The following BACH2 variants were observed in gnomAD, a reference collection of about 807,000 sequenced individuals.
BACH2 encodes BACH transcriptional regulator 2.
Under a neutral mutation model 61.8 loss-of-function variants are expected in BACH2, and 5 were observed. The observed-to-expected ratio is 0.08, with a 90% confidence interval of 0.04 to 0.17. BACH2 has a LOEUF of 0.17. BACH2 is among the 10% of genes least tolerant of loss of function. The pLI is 1.00. For synonymous variants in BACH2, 446 were observed against 440.1 expected, an observed-to-expected ratio of 1.01 and a Z score of -0.17; for missense variants, 824 against 1,091.1, an observed-to-expected ratio of 0.76 and a Z score of 3.45.
At chr6:90,267,460 G>A (rs1457044156) in intron 2 of BACH2, among the ~76,000 whole-genome samples, 1 of 152,106 alleles carries the variant, frequency 6.6e-6, no homozygotes, top group African/African-American at 2.4e-5. Context: ...TATTTTGCAG[G>A]TGTGACTCTA....
At chr6:90,088,486 T>G (rs991317987) in intron 5 of BACH2, among the ~76,000 whole-genome samples, 2 of 152,112 alleles carry the variant, frequency 1.3e-5, no homozygotes, top group African/African-American at 2.4e-5. Flanking sequence ...AAAACTCTTT[T>G]CTGAGACATA....
At chr6:90,223,294 G>C (rs1769802044) in intron 3 of BACH2, among the ~76,000 whole-genome samples, 1 of 152,158 alleles carries the variant, frequency 6.6e-6, no homozygotes, top group Non-Finnish European at 1.5e-5. Context: ...CTTTCAAAGA[G>C]CTCAAATACA....
In BACH2 at chr6:89,951,078, G is replaced by T. The variant is rs1366914662; in HGVS notation, c.1028C>A (p.Ser343Tyr). The change falls in exon 7 of 9, where the codon TCT becomes TAT. Residue 343 changes from serine (S) to tyrosine (Y), a missense_variant. Ser to Tyr is a moderately radical substitution (Grantham distance 144). Coordinates refer to ENST00000257749, the MANE Select transcript of BACH2 (RefSeq NM_021813.4). This position sits in a 1 kb window ranked among gnomAD's most constrained non-coding sequence, Gnocchi z 6.4. ...CACACTTTTCGTTATGCTGAACAGA[G>T]ACCTTAAGCAGGAGGGCGAGGCCAC... ...RSVASPSCLR[S>Y]LFSITKSVEL... 2 of 1,612,432 alleles carry T rather than the reference G, an allele frequency of 1.2e-6. No homozygotes were observed. Among genetic ancestry groups the T allele is most frequent in the South Asian group, 2.2e-5 (2 of 90,810 alleles).
intron 6 of BACH2, among the ~76,000 whole-genome samples, chr6:89,965,077 G>A (rs1286854596): frequency 2.0e-5 from 3 of 152,060 alleles, no homozygotes; most frequent in Admixed American, 6.6e-5. Flanking sequence ...AGTAGAGAAG[G>A]GGTTTCGCCA....
chr6:90,009,087 C>T (rs1228775586), intron 5 of BACH2, among the ~76,000 whole-genome samples: 1 of 152,194 alleles, frequency 6.6e-6, no homozygotes, highest in Non-Finnish European at 1.5e-5. Context: ...ATGCTTCCTA[C>T]TTACCGCATT....
Position 90,264,248 on chromosome 6 carries a change from T to C in BACH2, c.-353+7601A>G, listed in dbSNP as rs559743635. 2.7e-4 allele frequency among the ~76,000 whole-genome samples: 41 copies of C among 152,276 alleles called. No individual in the cohort carries two copies. The South Asian group carries it at 6.2e-3, about 23-fold the overall frequency. ...ACTTTATAACAGGATTGTGGTTACG[T>C]AGGAAAATGTTCTTATTCTTCAGAA... On this transcript the variant is annotated intron_variant, in intron 2 of 8. Transcript: ENST00000257749.
intron 4 of BACH2, among the ~76,000 whole-genome samples, chr6:90,146,896 G>A (rs961233690): frequency 6.6e-6 from 1 of 152,162 alleles, no homozygotes; most frequent in African/African-American, 2.4e-5. Context: ...TCAGATATTA[G>A]AGCCAATGAC....
chr6:89,937,835 TCA>T (rs1225237445), intron 8 of BACH2, among the ~76,000 whole-genome samples: 1 of 152,210 alleles, frequency 6.6e-6, no homozygotes, highest in East Asian at 1.9e-4. Context: ...CTGGCCAACA[TCA>T]GTTATTTTCA....
chr6:90,079,653 G>A (rs1223807733), intron 5 of BACH2, among the ~76,000 whole-genome samples: 1 of 152,092 alleles, frequency 6.6e-6, no homozygotes, highest in African/African-American at 2.4e-5. Context: ...GCAAAGATGT[G>A]GGCAAACCAG....
At chr6:90,266,652 T>C (rs1771343435) in intron 2 of BACH2, among the ~76,000 whole-genome samples, 1 of 151,846 alleles carries the variant, frequency 6.6e-6, no homozygotes, top group Admixed American at 6.6e-5. Flanking sequence ...AAGCCAGACA[T>C]AAAAAATCAC....
At chr6:90,167,619 A>C (rs1375025708) in intron 4 of BACH2, among the ~76,000 whole-genome samples, 1 of 152,228 alleles carries the variant, frequency 6.6e-6, no homozygotes, top group Non-Finnish European at 1.5e-5. Context: ...TTGGCTTCCC[A>C]AAATGCTGGG....
At chr6:90,240,925 A>G (rs1770428675) in intron 3 of BACH2, among the ~76,000 whole-genome samples, 1 of 152,008 alleles carries the variant, frequency 6.6e-6, no homozygotes, top group Non-Finnish European at 1.5e-5. Context: ...TTACTTTTGA[A>G]CCCTATCACT....
At chr6:89,952,806 CA>C (rs1433053085) in intron 6 of BACH2, 1 of 152,236 alleles carries the variant, frequency 6.6e-6, no homozygotes, top group African/African-American at 2.4e-5. Flanking sequence ...TGCCCACACG[CA>C]TGCCTGCTCA....
Position 89,930,051 on chromosome 6 carries a change from A to G in BACH2, c.*2357T>C, listed in dbSNP as rs181489267. 6.6e-6 allele frequency: 1 copy of G among 151,130 alleles called. No individual in the cohort carries two copies. The highest frequency in any genetic ancestry group is 2.4e-5 in the African/African-American group (1 of 40,960). The allele number at this position is 151,130 out of a possible 1,614,324, so 9.4% of individuals were successfully genotyped here. On this transcript the variant is annotated 3_prime_UTR_variant, in exon 9 of 9. Coordinates refer to ENST00000257749, the MANE Select transcript of BACH2 (RefSeq NM_021813.4). ...ACAGAACTGTCCTAGTAGGCCAAGAAATTCCAACAACCATAACAAAAACCA... is the reference window on the plus strand; with the variant it reads ...ACAGAACTGTCCTAGTAGGCCAAGAGATTCCAACAACCATAACAAAAACCA...
intron 4 of BACH2, among the ~76,000 whole-genome samples, chr6:90,174,347 T>C (rs950836585): frequency 6.6e-6 from 1 of 151,914 alleles, no homozygotes; most frequent in African/African-American, 2.4e-5. Context: ...TTCAATAAAA[T>C]ACAACATTCA....
Position 89,951,029 on chromosome 6 carries a change from T to C in BACH2, c.1077A>G (p.Thr359=), listed in dbSNP as rs2128356883. 2 of 1,603,900 alleles carry C rather than the reference T, an allele frequency of 1.2e-6. No homozygotes were observed. The highest frequency in any genetic ancestry group is 1.7e-6 in the Non-Finnish European group (2 of 1,175,396). Reference sequence around the variant, plus strand: ...GACTCCTGGCAAAGTGCTGCTGAGATGTACTGGGCAGGCCAGACAGCTCCA... The same window carrying C: ...GACTCCTGGCAAAGTGCTGCTGAGACGTACTGGGCAGGCCAGACAGCTCCA... ...KSVELSGLPS[T]SQQHFARSPA... is the part of the protein sequence containing the mutation. Residue 359 remains threonine, a synonymous_variant, in exon 7 of 9, where the codon ACA becomes ACG. Coordinates refer to ENST00000257749, the MANE Select transcript of BACH2 (RefSeq NM_021813.4). This position sits in a 1 kb window ranked among gnomAD's most constrained non-coding sequence, Gnocchi z 6.4.
At chr6:90,035,075 A>G (rs1048081266) in intron 5 of BACH2, among the ~76,000 whole-genome samples, 1 of 152,170 alleles carries the variant, frequency 6.6e-6, no homozygotes, top group African/African-American at 2.4e-5. Flanking sequence ...TACCCCTTAG[A>G]TAATTAAACA....
intron 5 of BACH2, chr6:90,080,620 C>T (rs1289777883): frequency 3.1e-6 from 1 of 327,060 alleles, no homozygotes; most frequent in Non-Finnish European, 4.4e-6. Flanking sequence ...AATTAAAATG[C>T]TTGTTCCTCT....
At chr6:90,256,062 C>G (rs1216407668) in intron 2 of BACH2, among the ~76,000 whole-genome samples, 1 of 152,190 alleles carries the variant, frequency 6.6e-6, no homozygotes, top group Non-Finnish European at 1.5e-5. Context: ...ACTCAACCAC[C>G]TGCTTTCTCA....
Sources: allele counts gnomAD v4.1 joint callset (sites outside exome capture counted in the v4.1 genomes callset), GRCh38; gene constraint gnomAD v4.1.1; non-coding constraint Gnocchi (gnomAD v3.1); transcripts MANE v1.5; gene names NCBI Gene and HGNC (gene_info 2026-07-23, HGNC 2026-07-21).